JAZF1: variants seen among roughly 807,000 people sequenced by gnomAD.
The protein encoded by JAZF1 is JAZF zinc finger 1.
A neutral mutation model predicts 26.4 loss-of-function variants in JAZF1; 8 were observed. The observed-to-expected ratio is 0.30, with a 90% confidence interval of 0.18 to 0.55. JAZF1 has a LOEUF of 0.55. Ranked by LOEUF, JAZF1 falls within the 20% of genes least tolerant of loss-of-function variation. The probability of loss-of-function intolerance (pLI) is 0.94; values close to 1 mark genes in which losing one functional copy is unlikely to be tolerated. For synonymous variants in JAZF1, 126 were observed against 122.3 expected, an observed-to-expected ratio of 1.03 and a Z score of -0.20; for missense variants, 199 against 322.0, an observed-to-expected ratio of 0.62 and a Z score of 2.92.
intron 1 of JAZF1, among the ~76,000 whole-genome samples, chr7:27,996,385 G>C (rs1241904464): frequency 1.3e-5 from 2 of 152,162 alleles, no homozygotes; most frequent in African/African-American, 4.8e-5. Context: ...CCAAACACCA[G>C]GTTCTTTTTT....
chr7:27,944,545 T>G (rs996982578), intron 2 of JAZF1, among the ~76,000 whole-genome samples: 8 of 152,234 alleles, frequency 5.3e-5, no homozygotes, highest in African/African-American at 1.7e-4. Flanking sequence ...TTTTTTCATT[T>G]TATAATGTTG....
chr7:28,090,625 T>A (rs1046819809), intron 1 of JAZF1, among the ~76,000 whole-genome samples: 1 of 152,130 alleles, frequency 6.6e-6, no homozygotes, highest in Admixed American at 6.5e-5. Flanking sequence ...GTACTAGTAC[T>A]CCCACATAAT....
intron 2 of JAZF1, among the ~76,000 whole-genome samples, chr7:27,938,805 A>ATTTT (rs10661523): frequency 6.4e-4 from 89 of 138,276 alleles, no homozygotes; most frequent in African/African-American, 2.3e-3. Context: ...CTGAATAGCT[A>ATTTT]TTTTTTTTTT....
intron 2 of JAZF1, among the ~76,000 whole-genome samples, chr7:27,907,373 C>A (rs1193323407): frequency 6.6e-6 from 1 of 152,188 alleles, no homozygotes; most frequent in Non-Finnish European, 1.5e-5. Flanking sequence ...GTGCTCCTGA[C>A]CCTTTCCCAG....
chr7:28,170,579 G>A (rs1264966120), intron 1 of JAZF1, among the ~76,000 whole-genome samples: 1 of 152,126 alleles, frequency 6.6e-6, no homozygotes, highest in Non-Finnish European at 1.5e-5. Flanking sequence ...GGATGCTCAT[G>A]CACCCTCCTG....
chr7:28,110,567 A>AAAAGG (rs1562591044), intron 1 of JAZF1, among the ~76,000 whole-genome samples: 2 of 103,934 alleles, frequency 1.9e-5, no homozygotes, highest in African/African-American at 7.0e-5. Context: ...AAGGGAAAGG[A>AAAAGG]AAAGGGAAAG....
intron 3 of JAZF1, among the ~76,000 whole-genome samples, chr7:27,850,683 T>C (rs1783128466): frequency 6.6e-6 from 1 of 152,156 alleles, no homozygotes; most frequent in Non-Finnish European, 1.5e-5. Context: ...TTTTAAAAAA[T>C]TACGTTATTT....
chr7:28,138,901 T>G (rs886562182), intron 1 of JAZF1, among the ~76,000 whole-genome samples: 3 of 152,176 alleles, frequency 2.0e-5, no homozygotes, highest in African/African-American at 7.2e-5. Context: ...GGCTGGAGGC[T>G]CAAATGAGAT....
intron 1 of JAZF1, among the ~76,000 whole-genome samples, chr7:28,112,063 C>T (rs1193755172): frequency 2.0e-5 from 3 of 152,206 alleles, no homozygotes; most frequent in Non-Finnish European, 4.4e-5. Context: ...GCAAAGGATA[C>T]TTGAAACGTC....
chr7:28,076,198 T>A (rs955441102), intron 1 of JAZF1, among the ~76,000 whole-genome samples: 1 of 152,218 alleles, frequency 6.6e-6, no homozygotes, highest in South Asian at 2.1e-4. Flanking sequence ...GGGGCTCCAT[T>A]ATGAGCAGAG....
intron 2 of JAZF1, among the ~76,000 whole-genome samples, chr7:27,978,821 A>G (rs565591453): frequency 6.6e-6 from 1 of 151,988 alleles, no homozygotes; most frequent in East Asian, 1.9e-4. Context: ...CCAAACATAA[A>G]GACCACAGTA....
chr7:28,034,601 C>G (rs1783252888), intron 1 of JAZF1, among the ~76,000 whole-genome samples: 1 of 151,878 alleles, frequency 6.6e-6, no homozygotes. Flanking sequence ...AAAGCATTTA[C>G]AAAAGAGACA....
intron 1 of JAZF1, among the ~76,000 whole-genome samples, chr7:28,112,886 A>C (rs1436002497): frequency 6.6e-6 from 1 of 152,222 alleles, no homozygotes; most frequent in African/African-American, 2.4e-5. Flanking sequence ...CTTCCTCTTA[A>C]AAATGATGAT....
chr7:27,949,640 G>A (rs1047543789), intron 2 of JAZF1, among the ~76,000 whole-genome samples: 2 of 152,174 alleles, frequency 1.3e-5, no homozygotes, highest in African/African-American at 4.8e-5. Flanking sequence ...GCACATGCCT[G>A]TAATCCCAGC....
At chr7:27,904,149 C>T (rs1784210229) in intron 2 of JAZF1, among the ~76,000 whole-genome samples, 1 of 152,106 alleles carries the variant, frequency 6.6e-6, no homozygotes, top group Non-Finnish European at 1.5e-5. Context: ...AGTAAGTAAG[C>T]AAAACAGTGC....
intron 3 of JAZF1, among the ~76,000 whole-genome samples, chr7:27,846,237 A>G (rs566051482): frequency 6.6e-6 from 1 of 152,286 alleles, no homozygotes; most frequent in African/African-American, 2.4e-5. Flanking sequence ...TTCACTTAGC[A>G]TAATGTCCTT....
At chr7:28,085,624 A>T (rs1453293992) in intron 1 of JAZF1, among the ~76,000 whole-genome samples, 2 of 152,172 alleles carry the variant, frequency 1.3e-5, no homozygotes, top group African/African-American at 4.8e-5. Context: ...TTTACAATGG[A>T]AGTGTTGACA....
chr7:28,048,725 T>A (rs948800851), intron 1 of JAZF1, among the ~76,000 whole-genome samples: 1 of 152,174 alleles, frequency 6.6e-6, no homozygotes, highest in Admixed American at 6.5e-5. Flanking sequence ...GCAGCATTAT[T>A]CATAATAGCC....
At chr7:27,973,162 T>C (rs1583487364) in intron 2 of JAZF1, among the ~76,000 whole-genome samples, 1 of 152,174 alleles carries the variant, frequency 6.6e-6, no homozygotes, top group African/African-American at 2.4e-5. Flanking sequence ...ATCTTAAATA[T>C]ATTTGTACAC....
Sources: gnomAD v4.1 joint callset for allele counts (sites outside exome capture counted in the v4.1 genomes callset) on GRCh38, gnomAD v4.1.1 for gene constraint, MANE v1.5 for transcripts, NCBI Gene and HGNC (gene_info 2026-07-23, HGNC 2026-07-21) for gene names.